RNGTT: variants seen among roughly 807,000 people sequenced by gnomAD.
RNGTT encodes mRNA-capping enzyme.
Under a neutral mutation model 79.3 loss-of-function variants are expected in RNGTT, and 33 were observed. That is an observed-to-expected ratio of 0.42 (90% CI 0.32 to 0.56). RNGTT has a LOEUF of 0.56. Among genes scored for constraint, RNGTT ranks in the 20% least tolerant of loss-of-function variants. The pLI, the probability that RNGTT is intolerant of heterozygous loss-of-function variation, is 0.17. For missense variants in RNGTT, 497 were observed against 739.1 expected (o/e 0.67, Z 3.80); for synonymous variants, 222 against 235.9 (o/e 0.94, Z 0.54).
chr6:88,804,978 C>T (rs1026847172), intron 11 of RNGTT, among the ~76,000 whole-genome samples: 1 of 152,186 alleles, frequency 6.6e-6, no homozygotes, highest in African/African-American at 2.4e-5. Flanking sequence ...CTTAGAAGTG[C>T]TTTGCTCTTT....
At chr6:88,645,022 G>T (rs1246754329) in intron 14 of RNGTT, among the ~76,000 whole-genome samples, 1 of 152,134 alleles carries the variant, frequency 6.6e-6, no homozygotes. Flanking sequence ...GCAGGAGAAA[G>T]AAATAAAGGG....
chr6:88,958,721 A>C (rs1785514616), intron 1 of RNGTT, among the ~76,000 whole-genome samples: 1 of 152,214 alleles, frequency 6.6e-6, no homozygotes, highest in African/African-American at 2.4e-5. Flanking sequence ...AGATGTTGGC[A>C]TGAATGTGGG....
Position 88,612,820 on chromosome 6 carries a change from A to C in RNGTT, c.1693T>G (p.Cys565Gly). Residue 565 changes from cysteine to glycine, a missense_variant, in exon 16 of 16, where the codon TGT (cysteine) becomes GGT (glycine). This residue lies in a region of RNGTT where 53 missense variants were observed against 50.5 expected (regional missense o/e 1.05). Transcript: ENST00000369485. ...TTCTGTCCTTGAGAAGCTGCAGTACATCTGTCGATGAACTCAAACAGCATC... is the reference window on the plus strand; with the variant it reads ...TTCTGTCCTTGAGAAGCTGCAGTACCTCTGTCGATGAACTCAAACAGCATC... ...KEMLFEFIDR[C>G]TAASQGQKRK... 1 of 1,613,788 alleles carries C rather than the reference A, an allele frequency of 6.2e-7. No individual in the cohort carries two copies. The highest frequency in any genetic ancestry group is 8.5e-7 in the Non-Finnish European group (1 of 1,179,952).
chr6:88,641,231 C>T (rs1773305557), intron 14 of RNGTT, among the ~76,000 whole-genome samples: 2 of 151,562 alleles, frequency 1.3e-5, no homozygotes, highest in African/African-American at 4.9e-5. Context: ...CCCAGCTACT[C>T]AGGAAGCTGA....
chr6:88,939,418 C>T (rs910877056), intron 2 of RNGTT, among the ~76,000 whole-genome samples: 1 of 152,106 alleles, frequency 6.6e-6, no homozygotes, highest in South Asian at 2.1e-4. Flanking sequence ...TTTTCTATTT[C>T]ATTCAATGAA....
At chr6:88,759,855 A>G (rs1161242503) in intron 13 of RNGTT, among the ~76,000 whole-genome samples, 3 of 146,114 alleles carry the variant, frequency 2.1e-5, no homozygotes, top group African/African-American at 7.8e-5. Context: ...AAGTTACTTC[A>G]TTTTCCCCCC....
At chr6:88,810,690 AT>A (rs1455786799) in intron 11 of RNGTT, among the ~76,000 whole-genome samples, 5 of 152,252 alleles carry the variant, frequency 3.3e-5, no homozygotes, top group Non-Finnish European at 1.5e-5. Flanking sequence ...CATTCAAAAA[AT>A]AACCTACTGT....
intron 8 of RNGTT, among the ~76,000 whole-genome samples, chr6:88,854,954 A>C (rs1404595226): frequency 3.3e-5 from 5 of 152,220 alleles, no homozygotes; most frequent in African/African-American, 1.2e-4. Context: ...CAAGAACCAA[A>C]GTCTTCAAAG....
intron 13 of RNGTT, among the ~76,000 whole-genome samples, chr6:88,715,797 C>T (rs1349980951): frequency 1.3e-5 from 2 of 152,302 alleles, no homozygotes; most frequent in East Asian, 1.9e-4. Flanking sequence ...CTTCCTTACA[C>T]CTTATACATA....
intron 13 of RNGTT, among the ~76,000 whole-genome samples, chr6:88,691,557 C>T (rs1437051470): frequency 1.3e-5 from 2 of 152,146 alleles, no homozygotes; most frequent in African/African-American, 4.8e-5. Context: ...GTAAAAACCA[C>T]AGAGGTTGGG....
At position 88,610,889 on chromosome 6, in the gene RNGTT, C is replaced by T. The variant is rs1582230258; in HGVS notation, c.*1830G>A. 1.3e-5 allele frequency: 2 copies of T among 152,214 alleles called. No homozygotes were observed. The highest frequency in any genetic ancestry group is 2.9e-5 in the Non-Finnish European group (2 of 68,008). The allele number at this position is 152,214 out of a possible 1,614,324, so 9.4% of individuals were successfully genotyped here. ...CAGGCTCGGAGGGAAAGCAGCACAC[C>T]GTGGAAGAGTCACTCGTCCTGGGGA... is the stretch of plus-strand genomic sequence containing the variant. On this transcript the variant is annotated 3_prime_UTR_variant, in exon 16 of 16. Transcript: ENST00000369485.
intron 3 of RNGTT, 40 bp downstream of exon 3, chr6:88,929,124 G>T (rs780441075): frequency 1.3e-6 from 2 of 1,579,980 alleles, no homozygotes. Context: ...AAATTGTGAT[G>T]AAAGGTTTCA....
intron 12 of RNGTT, among the ~76,000 whole-genome samples, chr6:88,787,458 A>G (rs1779265253): frequency 6.6e-6 from 1 of 152,166 alleles, no homozygotes; most frequent in Admixed American, 6.5e-5. Context: ...CAAGAGATCC[A>G]GACCATCCTG....
intron 13 of RNGTT, among the ~76,000 whole-genome samples, chr6:88,686,361 A>G (rs2756348): frequency 0.27 from 40,279 of 151,926 alleles, 9,320 homozygotes; most frequent in African/African-American, 0.63. Context: ...TTCACAACCC[A>G]ATTTATATAT....
rs1364214656 is a variant in RNGTT at position 88,610,463 on chromosome 6, T to C, written c.*2256A>G. On this transcript the variant is annotated 3_prime_UTR_variant, in exon 16 of 16. Coordinates refer to ENST00000369485, the MANE Select transcript of RNGTT (RefSeq NM_003800.5). ...GAAGAAAGCAAAGTTTTCTTATTCT[T>C]GTCTAAAAAACTTCAGTCTCAGAAA... The C allele has an allele frequency of 6.6e-6, 1 of 152,476 alleles. No individual in the cohort carries two copies. Among genetic ancestry groups the C allele is most frequent in the Non-Finnish European group, 1.5e-5 (1 of 68,040 alleles). The allele number at this position is 152,476 out of a possible 1,614,324, so 9.4% of individuals were successfully genotyped here.
At chr6:88,704,412 A>G (rs1776062232) in intron 13 of RNGTT, among the ~76,000 whole-genome samples, 1 of 152,124 alleles carries the variant, frequency 6.6e-6, no homozygotes, top group Admixed American at 6.5e-5. Context: ...TATGTCATGC[A>G]ACTATTAATA....
In RNGTT at chr6:88,768,165, T is replaced by C. The variant is rs947036704; in HGVS notation, c.1439+1609A>G. Among the ~76,000 whole-genome samples the C allele has an allele frequency of 2.0e-5, 3 of 151,884 alleles. No individual in the cohort carries two copies. In the South Asian group the frequency reaches 6.2e-4, roughly 32 times the overall value. On this transcript the variant is annotated intron_variant, in intron 13 of 15. Coordinates refer to ENST00000369485, the MANE Select transcript of RNGTT (RefSeq NM_003800.5). ...GTGTGTGTGTGTGTGTGTGTGTTTCTTTTTCTTTCTTTTTTTTTTGAGACA... is the reference window on the plus strand; with the variant it reads ...GTGTGTGTGTGTGTGTGTGTGTTTCCTTTTCTTTCTTTTTTTTTTGAGACA...
intron 1 of RNGTT, among the ~76,000 whole-genome samples, chr6:88,954,162 C>G (rs1310577940): frequency 6.6e-6 from 1 of 152,076 alleles, no homozygotes; most frequent in Non-Finnish European, 1.5e-5. Context: ...AGAAATGGCC[C>G]AAATGCTCCT....
chr6:88,642,524 G>C (rs1773362308), intron 14 of RNGTT, among the ~76,000 whole-genome samples: 1 of 152,172 alleles, frequency 6.6e-6, no homozygotes, highest in Admixed American at 6.5e-5. Context: ...TCTTTAAAAT[G>C]CACTCTTGCA....
Sources: gnomAD v4.1 joint callset for allele counts (sites outside exome capture counted in the v4.1 genomes callset) on GRCh38, gnomAD v4.1.1 for gene constraint, gnomAD v4.1.1 regional missense constraint, MANE v1.5 for transcripts, NCBI Gene and HGNC (gene_info 2026-07-23, HGNC 2026-07-21) for gene names.